The following ZNF254 variants were observed in gnomAD, a reference collection of about 807,000 sequenced individuals.
The protein encoded by ZNF254 is zinc finger protein 254, also known as CTD-2017D11.1.
A neutral mutation model predicts 12.4 loss-of-function variants in ZNF254; 10 were observed. The ratio of observed to expected loss-of-function variants is 0.80; its 90% CI spans 0.50 to 1.36. ZNF254 has a LOEUF of 1.36. Ranked by LOEUF, ZNF254 falls within the 40% of genes most tolerant of loss-of-function variation. The pLI, the probability that ZNF254 is intolerant of heterozygous loss-of-function variation, is 0.00. For missense variants in ZNF254, 996 were observed against 763.9 expected, an observed-to-expected ratio of 1.30 and a Z score of -3.58; for synonymous variants, 305 against 253.4, an observed-to-expected ratio of 1.20 and a Z score of -1.93.
At chr19:24,113,039 A>C (rs1325022752) in intron 3 of ZNF254, among the ~76,000 whole-genome samples, 1 of 152,224 alleles carries the variant, frequency 6.6e-6, no homozygotes, top group Non-Finnish European at 1.5e-5. Flanking sequence ...GCAATAATCA[A>C]GAGCTTACCA....
At chr19:24,057,787 G>T (rs1308736112) in intron 2 of ZNF254, among the ~76,000 whole-genome samples, 2 of 152,218 alleles carry the variant, frequency 1.3e-5, no homozygotes, top group African/African-American at 4.8e-5. Context: ...CAGTAAGAGG[G>T]ATTGTGTCTC....
At chr19:24,035,094 G>C (rs1969916404) in intron 1 of ZNF254, among the ~76,000 whole-genome samples, 1 of 152,132 alleles carries the variant, frequency 6.6e-6, no homozygotes, top group South Asian at 2.1e-4. Flanking sequence ...GGGGAGGGAG[G>C]GATAGAACAT....
chr19:24,124,214 A>C (rs945081425), intron 3 of ZNF254, among the ~76,000 whole-genome samples: 2 of 152,118 alleles, frequency 1.3e-5, no homozygotes, highest in Non-Finnish European at 2.9e-5. Flanking sequence ...CTGGTAAATA[A>C]ACTTAAGTTG....
Position 24,126,764 on chromosome 19 carries a change from C to T in ZNF254, c.764C>T (p.Thr255Ile). The part of the protein sequence containing the change: ...KSPKQLSTLT[T>I]HEIIHAGEKL... ...CCTAAGCAACTCTCAACCCTTACTA[C>T]ACATGAAATAATTCATGCTGGAGAG... The change falls in exon 4 of 4, where the codon ACA becomes ATA. Residue 255 changes from threonine (T) to isoleucine (I), a missense_variant. Coordinates refer to ENST00000357002, the MANE Select transcript of ZNF254 (RefSeq NM_203282.4). 6.2e-7 allele frequency: 1 copy of T among 1,613,184 alleles called. No homozygotes were observed.
chr19:24,067,109 A>AT (rs1191653409), intron 2 of ZNF254, among the ~76,000 whole-genome samples: 1 of 151,402 alleles, frequency 6.6e-6, no homozygotes, highest in East Asian at 1.9e-4. Flanking sequence ...AAAGGGATAT[A>AT]TTTTTTTTCT....
chr19:24,123,042 T>C (rs2145977352), intron 3 of ZNF254, among the ~76,000 whole-genome samples: 1 of 152,310 alleles, frequency 6.6e-6, no homozygotes, highest in East Asian at 1.9e-4. Flanking sequence ...CTATATACTT[T>C]TGGGGTTGCT....
exon 1 of ZNF254, chr19:24,033,599 G>C (rs1245377112): frequency 1.2e-5 from 5 of 418,386 alleles, no homozygotes; most frequent in Non-Finnish European, 4.7e-6. Flanking sequence ...AAGATGTCAG[G>C]ACATCCTGGA....
intron 3 of ZNF254, among the ~76,000 whole-genome samples, chr19:24,122,373 C>T (rs962843433): frequency 2.0e-5 from 3 of 151,968 alleles, no homozygotes; most frequent in Non-Finnish European, 2.9e-5. Flanking sequence ...TACAGGTGAC[C>T]GCCATCATGC....
chr19:24,035,533 G>A (rs1404019452), intron 1 of ZNF254, among the ~76,000 whole-genome samples: 1 of 152,072 alleles, frequency 6.6e-6, no homozygotes, highest in Admixed American at 6.6e-5. Context: ...AAAATTAGCC[G>A]GGCTTGGTGG....
chr19:24,086,984 A>C (rs951453758), upstream of ZNF254, among the ~76,000 whole-genome samples: 21 of 152,244 alleles, frequency 1.4e-4, no homozygotes, highest in Admixed American at 5.2e-4. Context: ...GGCCTGGCTC[A>C]GCTCAGGGAG....
At chr19:24,090,743 G>T (rs547602855) in intron 1 of ZNF254, among the ~76,000 whole-genome samples, 2 of 152,152 alleles carry the variant, frequency 1.3e-5, no homozygotes, top group South Asian at 2.1e-4. Context: ...AGCTCACCTC[G>T]GTTTTTTAAC....
At chr19:24,085,419 TATATATAA>T (rs1401572681), upstream of ZNF254, among the ~76,000 whole-genome samples, 8 of 130,734 alleles carry the variant, frequency 6.1e-5, 2 homozygotes, top group South Asian at 1.2e-3. Context: ...TATATATATA[TATATATAA>T]AAACTAAGAT....
In ZNF254 at chr19:24,127,650, A is replaced by C; in HGVS notation, c.1650A>C (p.Lys550Asn). The change falls in exon 4 of 4, where the codon AAA becomes AAC. Residue 550 changes from lysine (K) to asparagine (N), a missense_variant. Coordinates refer to ENST00000357002, the MANE Select transcript of ZNF254 (RefSeq NM_203282.4). ...HTEEKPYKCE[K>N]CGKAFKQSSI... ...AAGAGAAACCCTACAAATGTGAAAA[A>C]TGTGGCAAAGCCTTTAAGCAGTCTT... 1.2e-6 allele frequency: 2 copies of C among 1,613,592 alleles called. No individual in the cohort carries two copies. The highest frequency in any genetic ancestry group is 1.7e-6 in the Non-Finnish European group (2 of 1,179,786).
chr19:24,045,021 T>C (rs1240534346), intron 1 of ZNF254, among the ~76,000 whole-genome samples: 2 of 152,214 alleles, frequency 1.3e-5, no homozygotes, highest in Non-Finnish European at 2.9e-5. Context: ...GTACCTTGTT[T>C]TAACCTGATT....
chr19:24,090,323 C>T (rs1392191911), intron 1 of ZNF254, among the ~76,000 whole-genome samples: 1 of 152,112 alleles, frequency 6.6e-6, no homozygotes, highest in Middle Eastern at 3.2e-3. Context: ...TTATTGAGCA[C>T]TTTAGTGAGT....
At chr19:24,099,966 G>A (rs1178307734) in intron 1 of ZNF254, among the ~76,000 whole-genome samples, 1 of 152,138 alleles carries the variant, frequency 6.6e-6, no homozygotes, top group African/African-American at 2.4e-5. Context: ...AAGCTTTATT[G>A]TAAAGGGGAC....
intron 2 of ZNF254, chr19:24,067,024 T>C (rs1347270249): frequency 6.6e-6 from 1 of 152,176 alleles, no homozygotes; most frequent in African/African-American, 2.4e-5. Context: ...TCACAGCGTA[T>C]AGCTAATTTT....
intron 3 of ZNF254, among the ~76,000 whole-genome samples, chr19:24,122,792 A>G (rs562639156): frequency 6.7e-5 from 10 of 149,314 alleles, no homozygotes; most frequent in African/African-American, 2.5e-4. Context: ...CTATTGGCTT[A>G]CAGTAACAAT....
At chr19:24,049,184 TTATATA>T (rs1159690517) in intron 2 of ZNF254, among the ~76,000 whole-genome samples, 9 of 63,160 alleles carry the variant, frequency 1.4e-4, no homozygotes, top group East Asian at 6.3e-4. Context: ...GGCTCTGGTT[TTATATA>T]TATATATATA....
Sources: gnomAD v4.1 joint callset for allele counts (sites outside exome capture counted in the v4.1 genomes callset) on GRCh38, gnomAD v4.1.1 for gene constraint, MANE v1.5 for transcripts, NCBI Gene and HGNC (gene_info 2026-07-23, HGNC 2026-07-21) for gene names.